Variants in TAF1 observed in about 807,000 individuals in gnomAD.
The protein encoded by TAF1 is TATA-box binding protein associated factor 1, also known as transcription initiation factor TFIID subunit 1.
A neutral mutation model predicts 138.5 loss-of-function variants in TAF1; 2 were observed. The observed-to-expected ratio is 0.01, with a 90% CI of 0.01 to 0.05. TAF1 has a LOEUF of 0.05. Among genes scored for constraint, TAF1 ranks in the 10% least tolerant of loss-of-function variants. TAF1 has a pLI of 1.00. For missense variants in TAF1, 709 were observed against 1,478.0 expected, an observed-to-expected ratio of 0.48 and a Z score of 8.53; for synonymous variants, 437 against 503.2, an observed-to-expected ratio of 0.87 and a Z score of 1.76.
chrX:71,506,375 C>T (rs1389967776), intron 13 of TAF1, among the ~76,000 whole-genome samples: 2 of 97,953 alleles, frequency 2.0e-5, no homozygotes, highest in African/African-American at 7.6e-5. Flanking sequence ...CAGAGTGAGA[C>T]CTCATCTAAA....
chrX:71,390,611 G>C (rs1422554082), intron 18 of TAF1, among the ~76,000 whole-genome samples: 1 of 111,410 alleles, frequency 9.0e-6, no homozygotes, highest in East Asian at 2.8e-4. Context: ...TGAACTCCTG[G>C]GCTCAAGCAG....
At chrX:71,372,772 C>A (rs994429067) in intron 3 of TAF1, among the ~76,000 whole-genome samples, 8 of 112,009 alleles carry the variant, frequency 7.1e-5, no homozygotes, top group Non-Finnish European at 1.5e-4. Context: ...AGGATAATTC[C>A]TGTTTTGAAG....
At chrX:71,478,139 G>A (rs1379542117) in intron 13 of TAF1, among the ~76,000 whole-genome samples, 1 of 111,043 alleles carries the variant, frequency 9.0e-6, no homozygotes, top group Non-Finnish European at 1.9e-5. Flanking sequence ...ATCACCTGAG[G>A]TCAGGAGTTC....
intron 32 of TAF1, among the ~76,000 whole-genome samples, chrX:71,441,930 T>C (rs1315173843): frequency 1.8e-5 from 2 of 108,748 alleles, no homozygotes; most frequent in African/African-American, 3.4e-5. Flanking sequence ...TGGTTTTCTG[T>C]CCTTGTGATA....
At chrX:71,482,595 T>TA (rs988525474) in intron 13 of TAF1, among the ~76,000 whole-genome samples, 2 of 112,573 alleles carry the variant, frequency 1.8e-5, no homozygotes, top group Non-Finnish European at 3.8e-5. Flanking sequence ...ACTTTATCGC[T>TA]AAAAAAATGC....
At chrX:71,452,304 C>T (rs781468754) in intron 32 of TAF1, among the ~76,000 whole-genome samples, 32 of 109,420 alleles carry the variant, frequency 2.9e-4, no homozygotes, top group African/African-American at 9.0e-4. Context: ...ACTTCTCAGA[C>T]GGGGCGGTTG....
chrX:71,478,347 C>T (rs752077144), intron 13 of TAF1, among the ~76,000 whole-genome samples: 2 of 110,518 alleles, frequency 1.8e-5, no homozygotes, highest in South Asian at 7.7e-4. Flanking sequence ...AGAGTGAACC[C>T]CCTTCTCAAA....
At chrX:71,424,414 CTTTTTTTTTTTTTTT>C (rs140301261) in intron 32 of TAF1, among the ~76,000 whole-genome samples, 176 bp downstream of exon 32, 1 of 29,939 alleles carries the variant, frequency 3.3e-5, no homozygotes, top group Admixed American at 5.4e-4. Flanking sequence ...GTGCCAGGCT[CTTTTTTTTTTTTTTT>C]TTTTTTTTTT....
intron 13 of TAF1, among the ~76,000 whole-genome samples, chrX:71,506,574 AGTCCCATCTACTCGGGAG>A (rs1569410415): frequency 9.3e-6 from 1 of 107,137 alleles, no homozygotes; most frequent in Non-Finnish European, 1.9e-5. Context: ...ACGCGCCTGT[AGTCCCATCTACTCGGGAG>A]GCTGAGGCAG....
intron 8 of TAF1, 58 bp from the exon 9 acceptor site, chrX:71,381,685 G>C (rs1236268157): frequency 3.5e-6 from 4 of 1,139,794 alleles, no homozygotes; most frequent in Admixed American, 2.4e-5. Context: ...CCAGAATCTT[G>C]ATTGAAAGGG....
At chrX:71,459,849 A>T in intron 36 of TAF1, 141 bp downstream of exon 36, 1 of 1,037,640 alleles carries the variant, frequency 9.6e-7, no homozygotes, top group Non-Finnish European at 1.3e-6. Context: ...ACCTGAGAGT[A>T]CTGAGCACTC....
intron 37 of TAF1, among the ~76,000 whole-genome samples, chrX:71,462,005 A>G (rs754372947): frequency 8.9e-6 from 1 of 111,952 alleles, no homozygotes; most frequent in South Asian, 3.7e-4. Context: ...GAAACACTTC[A>G]CAGGCATGAA....
chrX:71,458,138 G>C (rs1156321000), intron 34 of TAF1, 103 bp from the exon 35 acceptor site: 32 of 1,014,172 alleles, frequency 3.2e-5, no homozygotes, highest in Non-Finnish European at 3.5e-5. Context: ...TAACTGAATT[G>C]CTCTGCATGA....
At chrX:71,389,146 T>A (rs761459148) in intron 17 of TAF1, among the ~76,000 whole-genome samples, 1 of 111,943 alleles carries the variant, frequency 8.9e-6, no homozygotes, top group Admixed American at 9.6e-5. Flanking sequence ...CTGGGTGACT[T>A]TAATCTCTTC....
chrX:71,518,934 A>ATCTGCCC lies in TAF1; in HGVS notation c.1367-9607_1367-9601dup, dbSNP rs1276763976. On this transcript the variant is annotated intron_variant and NMD_transcript_variant, in intron 13 of 14. Transcript: ENST00000373775. ...CTGGTCTCGAACTCCTGACCTCGTG[A>ATCTGCCC]TCTGCCCGCCTCAGCCTCCCAAAAT... Among the ~76,000 whole-genome samples the ATCTGCCC allele has an allele frequency of 2.0e-4, 21 of 106,291 alleles. No homozygotes were observed. In the East Asian group the frequency reaches 5.2e-3, roughly 26 times the overall value. 92.3% of individuals were successfully genotyped at this position (106,291 alleles called of 115,157 possible). A position where few individuals can be genotyped will look rare whatever the true frequency, so the allele number is the denominator to read the frequency against.
intron 13 of TAF1, among the ~76,000 whole-genome samples, chrX:71,509,520 A>G (rs2039695141): frequency 9.0e-6 from 1 of 110,906 alleles, no homozygotes; most frequent in African/African-American, 3.3e-5. Context: ...CTCAGCATAA[A>G]GGGTATTATT....
intron 32 of TAF1, among the ~76,000 whole-genome samples, chrX:71,442,397 TG>T (rs1569352360): frequency 8.9e-6 from 1 of 112,636 alleles, no homozygotes. Context: ...GGTTTTGATT[TG>T]CATTTCTCTG....
chrX:71,406,847 G>A (rs969865051), intron 26 of TAF1, 101 bp downstream of exon 26: 3 of 601,843 alleles, frequency 5.0e-6, no homozygotes, highest in South Asian at 7.2e-5. Context: ...CAGTTGCCTT[G>A]CCCTGAGAAT....
chrX:71,522,847 T>A (rs1166585788), intron 13 of TAF1, among the ~76,000 whole-genome samples: 2 of 91,593 alleles, frequency 2.2e-5, no homozygotes, highest in Non-Finnish European at 4.3e-5. Context: ...TCTTTCCTTT[T>A]TTTTCCTTTG....
Sources: allele counts gnomAD v4.1 joint callset (sites outside exome capture counted in the v4.1 genomes callset), GRCh38; gene constraint gnomAD v4.1.1; transcripts MANE v1.5; gene names NCBI Gene and HGNC (gene_info 2026-07-23, HGNC 2026-07-21).